The following RNF213 variants were observed in gnomAD, a reference collection of about 807,000 sequenced individuals.
RNF213 encodes the protein ring finger protein 213.
A neutral mutation model predicts 514.4 loss-of-function variants in RNF213; 341 were observed. That is an observed-to-expected ratio of 0.66 (90% CI 0.61 to 0.73). The LOEUF (loss-of-function observed/expected upper bound fraction) is 0.73, where lower values mean the gene tolerates loss of function less well. Ranked by LOEUF, RNF213 falls within the 30% of genes least tolerant of loss-of-function variation. RNF213 has a pLI of 0.00. For synonymous variants in RNF213, 2,655 were observed against 2,658.2 expected (o/e 1.00, Z 0.04); for missense variants, 5,767 against 6,615.6 (o/e 0.87, Z 4.45).
chr17:80,359,387 C>T (rs921279413), intron 37 of RNF213, among the ~76,000 whole-genome samples: 2 of 151,386 alleles, frequency 1.3e-5, no homozygotes, highest in African/African-American at 2.4e-5. Context: ...TTAGGCATAA[C>T]GTGGTGCGCA....
At chr17:80,327,524 G>A (rs2046311464) in intron 18 of RNF213, among the ~76,000 whole-genome samples, 1 of 152,168 alleles carries the variant, frequency 6.6e-6, no homozygotes, top group South Asian at 2.1e-4. Flanking sequence ...TACTGAAGGG[G>A]ACGTGGGTTT....
chr17:80,359,908 C>G (rs56102463), intron 37 of RNF213, among the ~76,000 whole-genome samples, 153 bp from the exon 38 acceptor site: 14,544 of 152,258 alleles, frequency 0.096, 1,126 homozygotes, highest in African/African-American at 0.22. Flanking sequence ...AACAGAAACC[C>G]TGTACTGTGA....
chr17:80,383,202 C>T (rs1010420269), intron 58 of RNF213, 132 bp downstream of exon 58: 6 of 704,040 alleles, frequency 8.5e-6, no homozygotes, highest in African/African-American at 1.8e-5. Context: ...GCCCCAGATT[C>T]CAATGCTCCC....
At chr17:80,283,662 C>T (rs920874337) in intron 3 of RNF213, among the ~76,000 whole-genome samples, 1 of 152,120 alleles carries the variant, frequency 6.6e-6, no homozygotes, top group Non-Finnish European at 1.5e-5. Flanking sequence ...GGTCTGAGCC[C>T]TTTGCTACAT....
chr17:80,296,067 T>C (rs2143408271), intron 10 of RNF213, among the ~76,000 whole-genome samples: 1 of 152,320 alleles, frequency 6.6e-6, no homozygotes, highest in Admixed American at 6.5e-5. Flanking sequence ...TGGCCCAGGC[T>C]GGAGTACAGT....
chr17:80,284,677 G>A (rs2044409678), intron 3 of RNF213, among the ~76,000 whole-genome samples: 1 of 152,190 alleles, frequency 6.6e-6, no homozygotes, highest in Non-Finnish European at 1.5e-5. Flanking sequence ...CTTGGTGCAG[G>A]CGTCTCCGGC....
At chr17:80,367,673 G>T in intron 42 of RNF213, 75 bp from the exon 43 acceptor site, 1 of 1,134,788 alleles carries the variant, frequency 8.8e-7, no homozygotes, top group Non-Finnish European at 1.3e-6. Context: ...TGAATGTGGT[G>T]CTCCCTCTGT....
In RNF213 at chr17:80,377,883, C is replaced by T; in HGVS notation, c.13545+87C>T. The T allele has an allele frequency of 6.8e-7, 1 of 1,473,386 alleles. No individual in the cohort carries two copies. The highest frequency in any genetic ancestry group is 9.5e-7 in the Non-Finnish European group (1 of 1,052,582). 91.3% of individuals were successfully genotyped at this position (1,473,386 alleles called of 1,614,324 possible). On this transcript the variant is annotated intron_variant, in intron 54 of 67. Coordinates refer to ENST00000582970, the MANE Select transcript of RNF213 (RefSeq NM_001256071.3). This position sits in a 1 kb window ranked among gnomAD's most constrained non-coding sequence, Gnocchi z 4.1. ...GGGATCGTGGGTCAGGAGAGTGAGG[C>T]TCTCGGCCTTCCAGGAGAGCACAGG...
chr17:80,373,250 CCCTA>C (rs1263290487), intron 49 of RNF213, 85 bp downstream of exon 49: 221 of 1,044,132 alleles, frequency 2.1e-4, no homozygotes, highest in Non-Finnish European at 2.6e-4. Flanking sequence ...TACCCTCACA[CCCTA>C]CCCCCCCCAC....
At position 80,353,487 on chromosome 17, in the gene RNF213, G is replaced by C; in HGVS notation, c.10424-25G>C. ...CCTGTGCCACCTTCTGAGTGGTAAC[G>C]CAATCACGTTTGCTTCGACTGCAGT... On this transcript the variant is annotated intron_variant, in intron 33 of 67. Coordinates refer to ENST00000582970, the MANE Select transcript of RNF213 (RefSeq NM_001256071.3). This position sits in a 1 kb window ranked among gnomAD's most constrained non-coding sequence, Gnocchi z 5.0. The C allele has an allele frequency of 3.1e-6, 5 of 1,592,308 alleles. No individual in the cohort carries two copies. The highest frequency in any genetic ancestry group is 4.3e-6 in the Non-Finnish European group (5 of 1,169,368).
chr17:80,379,200 T>C (rs563633258), intron 54 of RNF213, among the ~76,000 whole-genome samples: 20 of 152,178 alleles, frequency 1.3e-4, no homozygotes, highest in Middle Eastern at 3.4e-3. Context: ...CTCATAAAAA[T>C]TGATATATGA....
intron 3 of RNF213, among the ~76,000 whole-genome samples, chr17:80,286,200 C>T (rs756450994): frequency 1.1e-4 from 16 of 150,570 alleles, no homozygotes; most frequent in Non-Finnish European, 1.8e-4. Context: ...GGGTTGGTGT[C>T]GGACGCAGGC....
rs146635119 is a variant in RNF213 at position 80,306,185 on chromosome 17, G to A, written c.2211-67G>A. 8.2e-6 allele frequency: 12 copies of A among 1,460,776 alleles called. No homozygotes were observed. In the African/African-American group the frequency reaches 1.3e-4, roughly 15 times the overall value. 90.5% of individuals were successfully genotyped at this position (1,460,776 alleles called of 1,614,324 possible). ...GACTGTTTCTGTCCCTCCAGCATTG[G>A]TTTCCTCCATTTTCCCTCACTGATC... On this transcript the variant is annotated intron_variant, in intron 11 of 67. Transcript: ENST00000582970.
At chr17:80,291,348 G>T (rs1190275667) in intron 7 of RNF213, among the ~76,000 whole-genome samples, 1 of 148,784 alleles carries the variant, frequency 6.7e-6, no homozygotes, top group Non-Finnish European at 1.5e-5. Flanking sequence ...TCAATCTCCT[G>T]GGCCATCATG....
At chr17:80,278,055 C>G (rs9896523) in intron 3 of RNF213, among the ~76,000 whole-genome samples, 79,505 of 152,176 alleles carry the variant, frequency 0.52, 21,368 homozygotes, top group African/African-American at 0.64. Context: ...GTCCTTTGTG[C>G]ATTCTTCCTC....
intron 8 of RNF213, among the ~76,000 whole-genome samples, chr17:80,292,286 G>A (rs2044759893): frequency 6.6e-6 from 1 of 152,140 alleles, no homozygotes; most frequent in Admixed American, 6.6e-5. Flanking sequence ...GTTTCACCAT[G>A]TTGGACCTTG....
At position 80,381,681 on chromosome 17, in the gene RNF213, C is replaced by T. The variant is rs759661028; in HGVS notation, c.13932C>T (p.Leu4644=). 1.9e-5 allele frequency: 31 copies of T among 1,614,030 alleles called. No homozygotes were observed. The Admixed American group carries it at 2.3e-4, about 12-fold the overall frequency. ...SADETIGVVH[L]VLRRLLQEQH... is the part of the protein sequence containing the mutation. ...ACGAGACCATCGGCGTGGTCCACCT[C>T]GTCCTGCGCAGGCTTCTCCAAGAGC... Residue 4644 remains leucine, a synonymous_variant, in exon 57 of 68, where the codon CTC becomes CTT. Transcript: ENST00000582970.
chr17:80,337,582 A>C lies in RNF213; in HGVS notation c.4528-4A>C. The C allele has an allele frequency of 1.3e-6, 2 of 1,537,290 alleles. No individual in the cohort carries two copies. The highest frequency in any genetic ancestry group is 1.7e-6 in the Non-Finnish European group (2 of 1,146,906). On this transcript the variant is annotated splice_region_variant and splice_polypyrimidine_tract_variant and intron_variant, in intron 23 of 67. Coordinates refer to ENST00000582970, the MANE Select transcript of RNF213 (RefSeq NM_001256071.3). ...GCCCGTGTTCTCTCCTTTTGTCCCC[A>C]TAGTGTGACTCCGCCAGGAACTTGG...
chr17:80,348,172 A>T lies in RNF213; in HGVS notation c.9837A>T (p.Ala3279=). 1 of 1,614,052 alleles carries T rather than the reference A, an allele frequency of 6.2e-7. No individual in the cohort carries two copies. The highest frequency in any genetic ancestry group is 1.1e-5 in the South Asian group (1 of 91,090). Reference sequence around the variant, plus strand: ...GCGCCTACTCGCTGGGCGGGTTCGCAGCGGAGTGGCTGTCGCAGGAGTACT... The same window carrying T: ...GCGCCTACTCGCTGGGCGGGTTCGCTGCGGAGTGGCTGTCGCAGGAGTACT... ...RLSAYSLGGF[A]AEWLSQEYFH... The change falls in exon 29 of 68, where the codon GCA becomes GCT. Residue 3279 remains alanine, a synonymous_variant. Coordinates refer to ENST00000582970, the MANE Select transcript of RNF213 (RefSeq NM_001256071.3).
Sources: gnomAD v4.1 joint callset for allele counts (sites outside exome capture counted in the v4.1 genomes callset) on GRCh38, gnomAD v4.1.1 for gene constraint, Gnocchi (gnomAD v3.1) non-coding constraint, MANE v1.5 for transcripts, NCBI Gene and HGNC (gene_info 2026-07-23, HGNC 2026-07-21) for gene names.